Variants in CFAP20DC observed in about 807,000 individuals in gnomAD.
The protein encoded by CFAP20DC is protein CFAP20DC.
CFAP20DC carries 84 observed loss-of-function variants against 101.7 expected under a neutral mutation model. The observed-to-expected ratio is 0.83, with a 90% CI of 0.69 to 0.99. The LOEUF is 0.99. Among genes scored for constraint, CFAP20DC ranks in the 50% least tolerant of loss-of-function variants. The pLI is 0.00. For missense variants in CFAP20DC, 1,007 were observed against 970.3 expected (o/e 1.04, Z -0.50); for synonymous variants, 359 against 351.2 (o/e 1.02, Z -0.25).
intron 4 of CFAP20DC, among the ~76,000 whole-genome samples, chr3:58,996,545 T>C (rs1174650583): frequency 6.6e-6 from 1 of 152,218 alleles, no homozygotes; most frequent in Non-Finnish European, 1.5e-5. Flanking sequence ...TTCCTTTACA[T>C]AGACAGCCTT....
intron 6 of CFAP20DC, among the ~76,000 whole-genome samples, chr3:58,910,477 A>G (rs2084039231): frequency 6.6e-6 from 1 of 152,158 alleles, no homozygotes; most frequent in African/African-American, 2.4e-5. Flanking sequence ...GAAGTTAGAT[A>G]TCATTCTTAT....
intron 4 of CFAP20DC, among the ~76,000 whole-genome samples, chr3:58,974,081 G>C (rs1270785567): frequency 6.6e-6 from 1 of 152,140 alleles, no homozygotes; most frequent in African/African-American, 2.4e-5. Flanking sequence ...GAATGGCAGG[G>C]AACAGATCTA....
At chr3:58,881,541 A>G (rs1377014413) in intron 7 of CFAP20DC, among the ~76,000 whole-genome samples, 3 of 152,182 alleles carry the variant, frequency 2.0e-5, no homozygotes, top group East Asian at 3.8e-4. Flanking sequence ...AAAGCTCTTG[A>G]TCAAGTTATA....
At chr3:58,837,289 CAGT>C (rs1480911025) in intron 13 of CFAP20DC, among the ~76,000 whole-genome samples, 3 of 152,092 alleles carry the variant, frequency 2.0e-5, no homozygotes, top group Non-Finnish European at 1.5e-5. Flanking sequence ...TGCCCATCAA[CAGT>C]AGAATGGATA....
At chr3:58,731,333 A>T (rs2067642345) in intron 3 of CFAP20DC, among the ~76,000 whole-genome samples, 1 of 152,242 alleles carries the variant, frequency 6.6e-6, no homozygotes, top group Admixed American at 6.5e-5. Flanking sequence ...CACTCCTCTG[A>T]ACATGTGAGT....
At chr3:58,928,652 G>A (rs1439675271) in intron 5 of CFAP20DC, among the ~76,000 whole-genome samples, 1 of 152,070 alleles carries the variant, frequency 6.6e-6, no homozygotes, top group Non-Finnish European at 1.5e-5. Context: ...GAGTAATTAT[G>A]ACTTGATGAT....
At chr3:58,762,522 A>T (rs1245382666) in intron 15 of CFAP20DC, among the ~76,000 whole-genome samples, 2 of 152,148 alleles carry the variant, frequency 1.3e-5, no homozygotes, top group African/African-American at 4.8e-5. Context: ...TAATTGGAGC[A>T]TTTAGCCCAT....
intron 15 of CFAP20DC, among the ~76,000 whole-genome samples, chr3:58,758,686 C>A (rs1043224315): frequency 2.6e-5 from 4 of 152,124 alleles, no homozygotes; most frequent in African/African-American, 9.7e-5. Context: ...TATCCCTCCC[C>A]CTTCCCCTCA....
intron 12 of CFAP20DC, among the ~76,000 whole-genome samples, chr3:58,851,999 T>C (rs1183910657): frequency 6.6e-6 from 1 of 152,150 alleles, no homozygotes; most frequent in Non-Finnish European, 1.5e-5. Flanking sequence ...GCAGATGTTC[T>C]TGTTCTTTCA....
rs771996035 is a variant in CFAP20DC, at chr3:58,937,726, A to C, written c.315T>G (p.Tyr105Ter). The change falls in exon 5 of 17, where the codon TAT becomes TAG. Residue 105 changes from tyrosine to a stop codon, truncating the protein, a stop_gained. Transcript: ENST00000482387. LOFTEE classifies it high-confidence loss of function. ...ATAGTTCCTTATGGACCGTTGATAA[A>C]TATAATCTTCTTTTGATGTTCCCTA... ...TDLGNIKRRL[Y>*]LSTVHKELSS... 6.2e-7 allele frequency: 1 copy of C among 1,611,056 alleles called. No homozygotes were observed. Among genetic ancestry groups the C allele is most frequent in the South Asian group, 1.1e-5 (1 of 90,942 alleles).
chr3:58,752,228 A>G (rs987609644), intron 16 of CFAP20DC, among the ~76,000 whole-genome samples: 2 of 152,188 alleles, frequency 1.3e-5, no homozygotes, highest in South Asian at 4.1e-4. Context: ...GAAGATGAGT[A>G]AATAGAAAAT....
intron 12 of CFAP20DC, among the ~76,000 whole-genome samples, chr3:58,857,488 G>A (rs1014314185): frequency 1.3e-5 from 2 of 152,186 alleles, no homozygotes; most frequent in Admixed American, 1.3e-4. Flanking sequence ...CAGCCGAGAA[G>A]CAGATGGATT....
intron 14 of CFAP20DC, among the ~76,000 whole-genome samples, chr3:58,823,660 C>G: frequency 6.6e-6 from 1 of 152,002 alleles, no homozygotes; most frequent in African/African-American, 2.4e-5. Context: ...CCACAGCTTA[C>G]CCTCTCAACC....
At chr3:58,770,502 G>C (rs896266633) in intron 15 of CFAP20DC, among the ~76,000 whole-genome samples, 1 of 152,170 alleles carries the variant, frequency 6.6e-6, no homozygotes, top group Non-Finnish European at 1.5e-5. Flanking sequence ...GAATAGTTCA[G>C]GGAAGGCTTT....
intron 15 of CFAP20DC, among the ~76,000 whole-genome samples, chr3:58,776,468 C>T (rs1230359312): frequency 1.3e-5 from 2 of 152,066 alleles, no homozygotes; most frequent in Non-Finnish European, 2.9e-5. Flanking sequence ...CATGAACAAG[C>T]TTTACTTACT....
Position 58,789,172 on chromosome 3 carries a change from G to A in CFAP20DC, c.2237+17223C>T, listed in dbSNP as rs145461637. Among the ~76,000 whole-genome samples, 408 of 152,244 alleles carry A rather than the reference G, an allele frequency of 2.7e-3. 2 individuals are homozygous for A. The highest frequency in any genetic ancestry group is 9.5e-3 in the African/African-American group (395 of 41,562). On this transcript the variant is annotated intron_variant, in intron 15 of 16. Coordinates refer to ENST00000482387, the MANE Select transcript of CFAP20DC (RefSeq NM_001394063.1). ...TTTAGAGAGTTATAAGGCAACTGTA[G>A]GTTAAATGCTTTGTAACTAAGTCAT...
At chr3:58,841,673 A>C (rs2077119501) in intron 13 of CFAP20DC, among the ~76,000 whole-genome samples, 2 of 152,238 alleles carry the variant, frequency 1.3e-5, no homozygotes, top group African/African-American at 4.8e-5. Context: ...GATTTTCAAA[A>C]ATGGAGATGT....
At chr3:58,970,638 A>G (rs1167274692) in intron 4 of CFAP20DC, 1 of 152,186 alleles carries the variant, frequency 6.6e-6, no homozygotes, top group Admixed American at 6.6e-5. Context: ...AAACCAATAC[A>G]GTAATTTCCA....
At position 58,849,123 on chromosome 3, in the gene CFAP20DC, T is replaced by A; in HGVS notation, c.1880A>T (p.Asp627Val). 1.3e-6 allele frequency: 2 copies of A among 1,536,084 alleles called. No homozygotes were observed. The highest frequency in any genetic ancestry group is 1.7e-6 in the Non-Finnish European group (2 of 1,146,906). ...AGCTGGCACTTGCTGGGCTGATAGA[T>A]CCTTCGCTTTGATTACGGGCTCTGG... ...KTPEPVIKAK[D>V]LSAQQVPASL... Residue 627 changes from aspartate to valine, a missense_variant, in exon 13 of 17, where the codon GAT becomes GTT. Coordinates refer to ENST00000482387, the MANE Select transcript of CFAP20DC (RefSeq NM_001394063.1).
Sources: allele counts gnomAD v4.1 joint callset (sites outside exome capture counted in the v4.1 genomes callset), GRCh38; gene constraint gnomAD v4.1.1; transcripts MANE v1.5; gene names NCBI Gene and HGNC (gene_info 2026-07-23, HGNC 2026-07-21).